DISC1: variants seen among roughly 807,000 people sequenced by gnomAD.
The protein encoded by DISC1 is disrupted in schizophrenia 1 protein.
In DISC1, 57 loss-of-function variants were observed where a neutral mutation model predicts 84.5. That is an observed-to-expected ratio of 0.67 (90% CI 0.55 to 0.84). The LOEUF is 0.84. Among genes scored for constraint, DISC1 ranks in the 40% least tolerant of loss-of-function variants. DISC1 has a pLI of 0.00. For synonymous variants in DISC1, 411 were observed against 415.2 expected (o/e 0.99, Z 0.12); for missense variants, 1,000 against 1,057.8 (o/e 0.95, Z 0.76).
In DISC1 at chr1:231,694,526, CGAG is replaced by C. The variant is rs764811265; in HGVS notation, c.771_773del (p.Glu257del). The C allele has an allele frequency of 1.9e-6, 3 of 1,614,242 alleles. No homozygotes were observed. In the South Asian group the frequency reaches 3.3e-5, roughly 18 times the overall value. ...AAGCTGCCAGCTTGGACGGGCCTCACGAGGACCCGCGATGTCTCTCTCGGCCCT... is the reference window on the plus strand; with the variant it reads ...AAGCTGCCAGCTTGGACGGGCCTCACGACCCGCGATGTCTCTCTCGGCCCT... On this transcript the variant is annotated inframe_deletion, in exon 2 of 13. Coordinates refer to ENST00000439617, the MANE Select transcript of DISC1 (RefSeq NM_018662.3).
At chr1:231,763,386 T>C (rs767152137) in intron 4 of DISC1, among the ~76,000 whole-genome samples, 1 of 152,216 alleles carries the variant, frequency 6.6e-6, no homozygotes, top group African/African-American at 2.4e-5. Flanking sequence ...ATTTTATTAT[T>C]ATCAGTTTAA....
chr1:231,767,127 G>A lies in DISC1; in HGVS notation c.1269-13G>A, dbSNP rs757223394. ...TCTGCATACCTGTACCAATAGGTAT[G>A]TGTTGTTTTAAGGGCCAGCGGAGAT... On this transcript the variant is annotated splice_polypyrimidine_tract_variant and intron_variant, in intron 4 of 12. Transcript: ENST00000439617. The A allele has an allele frequency of 2.5e-6, 4 of 1,613,946 alleles. No homozygotes were observed. In the Admixed American group the frequency reaches 5.0e-5, roughly 20 times the overall value.
chr1:232,028,065 T>A (rs1412752035), intron 12 of DISC1, among the ~76,000 whole-genome samples: 1 of 152,200 alleles, frequency 6.6e-6, no homozygotes, highest in East Asian at 1.9e-4. Context: ...CTCTTAAAAA[T>A]CTTGTATTTA....
At chr1:231,969,121 T>G (rs1275871137) in intron 10 of DISC1, among the ~76,000 whole-genome samples, 5 of 151,884 alleles carry the variant, frequency 3.3e-5, no homozygotes, top group African/African-American at 4.8e-5. Context: ...AGAGAGATGT[T>G]TGCTTGTAGC....
intron 9 of DISC1, among the ~76,000 whole-genome samples, chr1:231,900,780 G>C (rs945658496): frequency 6.6e-6 from 1 of 152,150 alleles, no homozygotes; most frequent in African/African-American, 2.4e-5. Context: ...GGTTAGACAA[G>C]GCAACTGGTA....
At chr1:231,891,776 A>T (rs1274799219) in intron 9 of DISC1, among the ~76,000 whole-genome samples, 2 of 152,122 alleles carry the variant, frequency 1.3e-5, no homozygotes, top group East Asian at 3.9e-4. Context: ...AAACGATATT[A>T]TACCCACCAG....
chr1:231,753,338 C>A (rs1421942092), intron 4 of DISC1, among the ~76,000 whole-genome samples: 2 of 152,260 alleles, frequency 1.3e-5, no homozygotes, highest in African/African-American at 4.8e-5. Context: ...TGTGCACCTG[C>A]AGGCTTAACA....
intron 9 of DISC1, chr1:231,818,929 A>G (rs2081287410): frequency 1.6e-5 from 16 of 1,014,168 alleles, no homozygotes; most frequent in African/African-American, 1.7e-5. Flanking sequence ...AAGACCATAA[A>G]GTGGCTCTTC....
chr1:231,875,869 A>G (rs1325644261), intron 9 of DISC1, among the ~76,000 whole-genome samples: 1 of 152,232 alleles, frequency 6.6e-6, no homozygotes, highest in Non-Finnish European at 1.5e-5. Context: ...CAAAAGAGGG[A>G]AAAAGCATAA....
intron 1 of DISC1, among the ~76,000 whole-genome samples, chr1:231,690,026 C>A (rs1189972435): frequency 6.6e-6 from 1 of 152,172 alleles, no homozygotes. Context: ...AGGATTCTTG[C>A]TGATCCGGCT....
At chr1:231,744,442 A>G (rs2073731465) in intron 3 of DISC1, among the ~76,000 whole-genome samples, 1 of 152,258 alleles carries the variant, frequency 6.6e-6, no homozygotes. Context: ...GATTTTGAAG[A>G]TAAGTTCTCA....
At chr1:231,840,739 G>T (rs1240447942) in intron 9 of DISC1, among the ~76,000 whole-genome samples, 1 of 151,010 alleles carries the variant, frequency 6.6e-6, no homozygotes, top group Non-Finnish European at 1.5e-5. Flanking sequence ...ACGGAGTCTC[G>T]CTCTGTCACC....
At chr1:231,677,187 C>T (rs2063237782) in intron 1 of DISC1, among the ~76,000 whole-genome samples, 2 of 152,200 alleles carry the variant, frequency 1.3e-5, no homozygotes, top group South Asian at 4.1e-4. Context: ...CTATTGACTT[C>T]TCTGTTTTTC....
chr1:231,978,165 TG>T (rs571347533), intron 10 of DISC1, among the ~76,000 whole-genome samples: 2 of 152,160 alleles, frequency 1.3e-5, no homozygotes, highest in African/African-American at 2.4e-5. Context: ...TGGCCAAGAA[TG>T]CTTCATCAAT....
chr1:231,761,234 T>C (rs1558495791), intron 4 of DISC1, among the ~76,000 whole-genome samples: 1 of 152,228 alleles, frequency 6.6e-6, no homozygotes, highest in African/African-American at 2.4e-5. Context: ...CTACCCTGCA[T>C]GTTTTTATTT....
chr1:231,883,485 G>C (rs904658523), intron 9 of DISC1, among the ~76,000 whole-genome samples: 1 of 152,130 alleles, frequency 6.6e-6, no homozygotes, highest in East Asian at 1.9e-4. Context: ...GGGCAGGTCA[G>C]AGAGGAGGCA....
chr1:231,880,291 A>T (rs2086200613), intron 9 of DISC1, among the ~76,000 whole-genome samples: 2 of 152,300 alleles, frequency 1.3e-5, no homozygotes, highest in Admixed American at 1.3e-4. Flanking sequence ...TGGACTTTTC[A>T]ATCTCTGTAA....
intron 9 of DISC1, among the ~76,000 whole-genome samples, chr1:231,952,229 A>G (rs1232908985): frequency 2.0e-5 from 3 of 152,208 alleles, no homozygotes; most frequent in Non-Finnish European, 4.4e-5. Context: ...TAGGACTCAT[A>G]TCTGTTAATT....
At chr1:231,627,953 A>G (rs1194567749) in intron 1 of DISC1, among the ~76,000 whole-genome samples, 1 of 152,226 alleles carries the variant, frequency 6.6e-6, no homozygotes, top group Non-Finnish European at 1.5e-5. Flanking sequence ...GCAGGAGACT[A>G]TGACAGTACC....
Sources: allele counts gnomAD v4.1 joint callset (sites outside exome capture counted in the v4.1 genomes callset), GRCh38; gene constraint gnomAD v4.1.1; transcripts MANE v1.5; gene names NCBI Gene and HGNC (gene_info 2026-07-23, HGNC 2026-07-21).